The following SV2C variants were observed in gnomAD, a reference collection of about 807,000 sequenced individuals.
SV2C encodes solute carrier family 22 member B3.
In SV2C, 49 loss-of-function variants were observed where a neutral mutation model predicts 79.7. The ratio of observed to expected loss-of-function variants is 0.61; its 90% CI spans 0.49 to 0.78. SV2C has a LOEUF of 0.78. SV2C is among the 30% of genes least tolerant of loss of function. The pLI, the probability that SV2C is intolerant of heterozygous loss-of-function variation, is 0.00. For missense variants in SV2C, 833 were observed against 912.9 expected (o/e 0.91, Z 1.13); for synonymous variants, 334 against 333.2 (o/e 1.00, Z -0.03).
At chr5:76,040,662 A>G in the SV2C span, among the ~76,000 whole-genome samples, 7 of 152,172 alleles carry the variant, frequency 4.6e-5, no homozygotes, top group Non-Finnish European at 7.4e-5. Context: ...TTTCGAAGCA[A>G]ATGGGCTGAA....
chr5:76,305,331 A>G (rs368039189), intron 12 of SV2C, among the ~76,000 whole-genome samples: 129 of 152,276 alleles, frequency 8.5e-4, no homozygotes, highest in African/African-American at 3.0e-3. Flanking sequence ...TCATTATAGG[A>G]CACATCTTCT....
chr5:76,300,793 G>C lies in SV2C; in HGVS notation c.1701G>C (p.Thr567=), dbSNP rs113489031. ...FKNCSFFHNK[T]GCQITFDDDY... ...ACTGCTCGTTTTTTCACAACAAGAC[G>C]GGATGTCAGATTACCTTTGATGATG... is the stretch of plus-strand genomic sequence containing the variant. Residue 567 remains threonine (T), a synonymous_variant, in exon 11 of 13, where the codon ACG becomes ACC. Coordinates refer to ENST00000502798, the MANE Select transcript of SV2C (RefSeq NM_014979.4). 1.9e-6 allele frequency: 3 copies of C among 1,614,074 alleles called. No individual in the cohort carries two copies. In the African/African-American group the frequency reaches 4.0e-5, roughly 22 times the overall value.
intron 4 of SV2C, among the ~76,000 whole-genome samples, chr5:76,260,201 G>T (rs1025553120): frequency 6.6e-6 from 1 of 152,160 alleles, no homozygotes; most frequent in Non-Finnish European, 1.5e-5. Flanking sequence ...CAGTGATGAT[G>T]AGCTTTTTTT....
At chr5:76,221,481 T>G (rs920278959) in intron 4 of SV2C, among the ~76,000 whole-genome samples, 2 of 152,226 alleles carry the variant, frequency 1.3e-5, no homozygotes, top group Non-Finnish European at 2.9e-5. Context: ...GGGTGCCGCC[T>G]GCTGTTAGTA....
chr5:76,182,483 C>T (rs1561253173), intron 2 of SV2C, among the ~76,000 whole-genome samples: 1 of 152,164 alleles, frequency 6.6e-6, no homozygotes, highest in Non-Finnish European at 1.5e-5. Flanking sequence ...TCATTTCTTC[C>T]TTGGCCTACT....
chr5:75,880,532 G>T, the SV2C span, among the ~76,000 whole-genome samples: 1 of 152,178 alleles, frequency 6.6e-6, no homozygotes, highest in Non-Finnish European at 1.5e-5. Context: ...ATGCAGCCAA[G>T]TTCTTTGCTA....
chr5:76,321,247 G>A (rs1748819391), intron 12 of SV2C, among the ~76,000 whole-genome samples: 1 of 151,972 alleles, frequency 6.6e-6, no homozygotes, highest in South Asian at 2.1e-4. Flanking sequence ...AAAGAAAGAT[G>A]TGTGCTAAAT....
intron 12 of SV2C, among the ~76,000 whole-genome samples, chr5:76,314,146 A>G (rs1748546741): frequency 6.6e-6 from 1 of 152,236 alleles, no homozygotes; most frequent in African/African-American, 2.4e-5. Context: ...ATTTACTGCC[A>G]TAACTCTAGG....
At chr5:75,927,787 A>G in the SV2C span, among the ~76,000 whole-genome samples, 1 of 152,224 alleles carries the variant, frequency 6.6e-6, no homozygotes, top group Admixed American at 6.5e-5. Flanking sequence ...CAAACTCAGC[A>G]AGAGGTACAC....
At chr5:75,945,917 G>A in the SV2C span, among the ~76,000 whole-genome samples, 2 of 151,944 alleles carry the variant, frequency 1.3e-5, no homozygotes, top group Non-Finnish European at 2.9e-5. Context: ...ATTTATGGGA[G>A]GCAGGAAAGG....
chr5:75,881,072 A>G, the SV2C span, among the ~76,000 whole-genome samples: 1 of 152,018 alleles, frequency 6.6e-6, no homozygotes, highest in Non-Finnish European at 1.5e-5. Context: ...ATCCACATGA[A>G]CTCAGAGCAA....
At chr5:76,349,083 G>A (rs1288294285) in intron 12 of SV2C, among the ~76,000 whole-genome samples, 1 of 152,144 alleles carries the variant, frequency 6.6e-6, no homozygotes, top group Non-Finnish European at 1.5e-5. Flanking sequence ...AGTTAACCTT[G>A]GATAAGTTGC....
At chr5:76,225,005 G>A (rs1268172708) in intron 4 of SV2C, among the ~76,000 whole-genome samples, 1 of 152,192 alleles carries the variant, frequency 6.6e-6, no homozygotes, top group Non-Finnish European at 1.5e-5. Context: ...GGTCTCAAGA[G>A]AATCCAAGGG....
At chr5:76,267,080 C>T (rs1219437876) in intron 4 of SV2C, among the ~76,000 whole-genome samples, 3 of 152,164 alleles carry the variant, frequency 2.0e-5, no homozygotes, top group Non-Finnish European at 2.9e-5. Context: ...GTCCACCACA[C>T]GGTGATTGGG....
the SV2C span, among the ~76,000 whole-genome samples, chr5:76,010,322 C>A: frequency 6.6e-6 from 1 of 152,072 alleles, no homozygotes; most frequent in African/African-American, 2.4e-5. Flanking sequence ...GGATCACTCA[C>A]CGCTAATTAT....
chr5:76,021,943 G>T, the SV2C span, among the ~76,000 whole-genome samples: 3 of 152,032 alleles, frequency 2.0e-5, no homozygotes, highest in African/African-American at 7.2e-5. Context: ...ATGTTGTGTT[G>T]TGTCTTCTTA....
chr5:75,895,600 G>A, the SV2C span, among the ~76,000 whole-genome samples: 1 of 152,090 alleles, frequency 6.6e-6, no homozygotes, highest in Non-Finnish European at 1.5e-5. Context: ...CTTTGTAACA[G>A]ATGGGAAAAG....
the SV2C span, among the ~76,000 whole-genome samples, chr5:76,077,664 C>T: frequency 6.6e-6 from 1 of 152,270 alleles, no homozygotes; most frequent in East Asian, 1.9e-4. Context: ...AGGACCTGTC[C>T]ACATGTCCAT....
At chr5:76,349,173 A>G (rs1278182886) in intron 12 of SV2C, among the ~76,000 whole-genome samples, 2 of 152,166 alleles carry the variant, frequency 1.3e-5, no homozygotes, top group African/African-American at 4.8e-5. Flanking sequence ...GAGTTAATGT[A>G]AAGTATTTAG....
Sources: allele counts gnomAD v4.1 joint callset (sites outside exome capture counted in the v4.1 genomes callset), GRCh38; gene constraint gnomAD v4.1.1; transcripts MANE v1.5; gene names NCBI Gene and HGNC (gene_info 2026-07-23, HGNC 2026-07-21).